Variants in CACNA1E observed in about 807,000 individuals in gnomAD.
The protein encoded by CACNA1E is voltage-dependent R-type calcium channel subunit alpha-1E.
A neutral mutation model predicts 259.2 loss-of-function variants in CACNA1E; 40 were observed. The observed-to-expected ratio is 0.15, with a 90% CI of 0.12 to 0.20. The LOEUF (loss-of-function observed/expected upper bound fraction) is 0.20, where lower values mean the gene tolerates loss of function less well. CACNA1E is among the 10% of genes least tolerant of loss of function. The pLI, the probability that CACNA1E is intolerant of heterozygous loss-of-function variation, is 1.00. For missense variants in CACNA1E, 1,874 were observed against 3,040.1 expected, an observed-to-expected ratio of 0.62 and a Z score of 9.02; for synonymous variants, 1,104 against 1,138.5, an observed-to-expected ratio of 0.97 and a Z score of 0.61.
At chr1:181,571,497 G>A (rs1018627636) in intron 3 of CACNA1E, among the ~76,000 whole-genome samples, 2 of 152,198 alleles carry the variant, frequency 1.3e-5, no homozygotes, top group Admixed American at 1.3e-4. Context: ...AAAGTGGAAT[G>A]ACAGATAAAG....
At chr1:181,765,995 G>T (rs3767014) in intron 34 of CACNA1E, among the ~76,000 whole-genome samples, 1 of 152,090 alleles carries the variant, frequency 6.6e-6, no homozygotes, top group Admixed American at 6.5e-5. Flanking sequence ...ATAATAAAAC[G>T]CCAGGAGGCT....
At chr1:181,414,312 T>TA (rs1658104263) in intron 2 of CACNA1E, among the ~76,000 whole-genome samples, 1 of 152,248 alleles carries the variant, frequency 6.6e-6, no homozygotes, top group African/African-American at 2.4e-5. Context: ...CTTCTTGCTT[T>TA]AGATTGTTGA....
At chr1:181,572,934 G>C (rs781765797) in intron 3 of CACNA1E, among the ~76,000 whole-genome samples, 12 of 152,110 alleles carry the variant, frequency 7.9e-5, no homozygotes, top group Non-Finnish European at 1.8e-4. Context: ...CCTGTTTGGG[G>C]ATGAAAACTA....
chr1:181,585,467 A>G (rs553775711), intron 6 of CACNA1E, among the ~76,000 whole-genome samples: 2 of 152,246 alleles, frequency 1.3e-5, no homozygotes, highest in East Asian at 1.9e-4. Flanking sequence ...AGAGTAAAAC[A>G]TAGGAAAGTC....
chr1:181,538,909 T>C lies in CACNA1E; in HGVS notation c.512+27399T>C, dbSNP rs546635705. Among the ~76,000 whole-genome samples the C allele has an allele frequency of 9.2e-5, 14 of 152,336 alleles. 1 individual carries two copies. The South Asian group carries it at 2.9e-3, about 32-fold the overall frequency. On this transcript the variant is annotated intron_variant, in intron 3 of 47. Transcript: ENST00000367573. ...AGATGATAAGCATGGTTTCACAAAATGTAATATAATTCTGCAATTCTTTGC... is the reference window on the plus strand; with the variant it reads ...AGATGATAAGCATGGTTTCACAAAACGTAATATAATTCTGCAATTCTTTGC...
At chr1:181,368,155 G>A (rs574496472) in intron 1 of CACNA1E, among the ~76,000 whole-genome samples, 1 of 152,196 alleles carries the variant, frequency 6.6e-6, no homozygotes, top group African/African-American at 2.4e-5. Context: ...GCTTGAGCCT[G>A]GGAGGCTGAG....
In CACNA1E at chr1:181,793,700, C is replaced by A; in HGVS notation, c.5934C>A (p.Pro1978=). 1.9e-6 allele frequency: 3 copies of A among 1,611,116 alleles called. No homozygotes were observed. The highest frequency in any genetic ancestry group is 1.7e-4 in the Middle Eastern group (1 of 6,046). The change falls in exon 45 of 48, where the codon CCC becomes CCA. Residue 1978 remains proline, a synonymous_variant. Coordinates refer to ENST00000367573, the MANE Select transcript of CACNA1E (RefSeq NM_001205293.3). ...TTAGTGAATTAAAAAGCGTGCAGCCCTCTAACCATGGCATCTACCTTCCTT... is the reference window on the plus strand; with the variant it reads ...TTAGTGAATTAAAAAGCGTGCAGCCATCTAACCATGGCATCTACCTTCCTT... The part of the protein sequence containing the change: ...PEVSELKSVQ[P]SNHGIYLPSD...
At chr1:181,330,377 A>C (rs949418390) in intron 1 of CACNA1E, among the ~76,000 whole-genome samples, 3 of 151,634 alleles carry the variant, frequency 2.0e-5, no homozygotes, top group Non-Finnish European at 4.4e-5. Context: ...GGCTGAAACC[A>C]TAGGCTGAAG....
At chr1:181,671,403 T>C (rs1457645824) in intron 7 of CACNA1E, among the ~76,000 whole-genome samples, 1 of 152,226 alleles carries the variant, frequency 6.6e-6, no homozygotes, top group African/African-American at 2.4e-5. Context: ...CCCTTGCTCT[T>C]ATGAACTTTA....
At chr1:181,386,427 T>A (rs924418670) in intron 1 of CACNA1E, among the ~76,000 whole-genome samples, 1 of 151,924 alleles carries the variant, frequency 6.6e-6, no homozygotes, top group African/African-American at 2.4e-5. Context: ...CAAAAATGAG[T>A]CCTGAGAGCA....
chr1:181,470,625 G>A (rs535346877), intron 2 of CACNA1E, among the ~76,000 whole-genome samples: 2 of 152,258 alleles, frequency 1.3e-5, no homozygotes, highest in Non-Finnish European at 2.9e-5. Flanking sequence ...TTCTATGATT[G>A]ATTTTTGTCT....
chr1:181,756,605 C>G (rs1267410841), intron 29 of CACNA1E, among the ~76,000 whole-genome samples: 3 of 152,176 alleles, frequency 2.0e-5, no homozygotes, highest in Admixed American at 6.5e-5. Flanking sequence ...AGACACCACT[C>G]TCTAGTGGCA....
At chr1:181,344,995 G>C (rs1419753784) in intron 1 of CACNA1E, among the ~76,000 whole-genome samples, 1 of 152,214 alleles carries the variant, frequency 6.6e-6, no homozygotes, top group Non-Finnish European at 1.5e-5. Flanking sequence ...TGTCAGAAAA[G>C]GGTGATCCAG....
At chr1:181,448,170 C>T (rs1660915435) in intron 2 of CACNA1E, among the ~76,000 whole-genome samples, 1 of 152,178 alleles carries the variant, frequency 6.6e-6, no homozygotes, top group South Asian at 2.1e-4. Context: ...CTGTGTACCA[C>T]ATATGATTTC....
chr1:181,430,414 A>G (rs1157779261), intron 2 of CACNA1E, among the ~76,000 whole-genome samples: 1 of 152,198 alleles, frequency 6.6e-6, no homozygotes, highest in Non-Finnish European at 1.5e-5. Context: ...CTGTTTGTGT[A>G]ATTCCCCTTA....
At chr1:181,329,298 T>A (rs1418509613) in intron 1 of CACNA1E, among the ~76,000 whole-genome samples, 6 of 151,930 alleles carry the variant, frequency 3.9e-5, no homozygotes, top group Admixed American at 3.9e-4. Context: ...TCCTAACCAA[T>A]CTCTCCACTT....
At chr1:181,704,412 T>C (rs1036406080) in intron 7 of CACNA1E, among the ~76,000 whole-genome samples, 1 of 152,196 alleles carries the variant, frequency 6.6e-6, no homozygotes, top group Non-Finnish European at 1.5e-5. Flanking sequence ...TCTCTGTTAG[T>C]TTCAGAACAT....
intron 32 of CACNA1E, 126 bp from the exon 33 acceptor site, chr1:181,762,448 A>C (rs1374140432): frequency 1.5e-6 from 1 of 655,624 alleles, no homozygotes; most frequent in African/African-American, 1.9e-5. Context: ...AGTAAGAGTG[A>C]ACTTATGCAT....
rs750132516 is a variant in CACNA1E, at chr1:181,732,924, C to T, written c.2838C>T (p.Arg946=). 5 of 1,614,034 alleles carry T rather than the reference C, an allele frequency of 3.1e-6. No homozygotes were observed. In the South Asian group the frequency reaches 5.5e-5, roughly 18 times the overall value. ...GGAGCAGGTCTGCCAGCCAGGAACG[C>T]AGTCTGGATGAAGCCATGCCCACTG... ...ASRSRSASQE[R]SLDEAMPTEG... Residue 946 remains arginine, a synonymous_variant, in exon 20 of 48, where the codon CGC becomes CGT. Transcript: ENST00000367573. The surrounding 1 kb of genome is among the most constrained non-coding windows in gnomAD (Gnocchi z 5.5).
Sources: gnomAD v4.1 joint callset for allele counts (sites outside exome capture counted in the v4.1 genomes callset) on GRCh38, gnomAD v4.1.1 for gene constraint, Gnocchi (gnomAD v3.1) non-coding constraint, MANE v1.5 for transcripts, NCBI Gene and HGNC (gene_info 2026-07-23, HGNC 2026-07-21) for gene names.